The following DNMT1 variants were observed in gnomAD, a reference collection of about 807,000 sequenced individuals.
The protein encoded by DNMT1 is DNA methyltransferase 1.
Under a neutral mutation model 205.3 loss-of-function variants are expected in DNMT1, and 24 were observed. The observed-to-expected ratio is 0.12, with a 90% CI of 0.08 to 0.16. The LOEUF is 0.16. Ranked by LOEUF, DNMT1 falls within the 10% of genes least tolerant of loss-of-function variation. DNMT1 has a pLI of 1.00. For missense variants in DNMT1, 1,293 were observed against 2,177.7 expected (o/e 0.59, Z 8.09); for synonymous variants, 817 against 839.8 (o/e 0.97, Z 0.47).
In DNMT1 at chr19:10,137,509, G is replaced by A; in HGVS notation, c.4294-229C>T. The stretch of plus-strand genomic sequence containing the variant: ...ATCTAAGCTGAGCCTTTAGGGTGGG[G>A]GAAGGGGAGTGGTGCCAGGGGATGG... On this transcript the variant is annotated intron_variant, in intron 36 of 40. Transcript: ENST00000359526. The surrounding 1 kb of genome is among the most constrained non-coding windows in gnomAD (Gnocchi z 6.4). 2 of 646,220 alleles carry A rather than the reference G, an allele frequency of 3.1e-6. No homozygotes were observed. Among genetic ancestry groups the A allele is most frequent in the Non-Finnish European group, 5.3e-6 (2 of 375,496 alleles). 40.0% of individuals were successfully genotyped at this position (646,220 alleles called of 1,614,324 possible).
chr19:10,147,126 G>A (rs895921853), intron 27 of DNMT1, among the ~76,000 whole-genome samples: 3 of 152,088 alleles, frequency 2.0e-5, no homozygotes, highest in Admixed American at 2.0e-4. Context: ...ACCAGGCAGG[G>A]TGGTGCATGC....
rs1255037718 is a variant in DNMT1 at position 10,137,247 on chromosome 19, G to T, written c.4327C>A (p.His1443Asn). 2 of 1,609,826 alleles carry T rather than the reference G, an allele frequency of 1.2e-6. No homozygotes were observed. The highest frequency in any genetic ancestry group is 1.7e-6 in the Non-Finnish European group (2 of 1,179,212). ...MSALVAARMR[H>N]IPLAPGSDWR... ...TCTGACCCTGGGGCCAAGGGGATGT[G>T]CCGCATGCGGGCAGCCACCAATGCA... Residue 1443 changes from histidine to asparagine, a missense_variant, in exon 37 of 41, where the codon CAC becomes AAC. Around this residue, in one of 13 missense-constraint regions of DNMT1, gnomAD observed 148 missense variants for 256.1 expected, o/e 0.58. Transcript: ENST00000359526. This position sits in a 1 kb window ranked among gnomAD's most constrained non-coding sequence, Gnocchi z 6.4.
At chr19:10,178,813 C>T (rs1334936914) in intron 5 of DNMT1, 1 of 149,862 alleles carries the variant, frequency 6.7e-6, no homozygotes. Flanking sequence ...AAGTACTATC[C>T]TATTGTTTGT....
chr19:10,193,665 CAAAAAAAA>C (rs35583463), intron 1 of DNMT1, among the ~76,000 whole-genome samples: 1 of 106,118 alleles, frequency 9.4e-6, no homozygotes, highest in Non-Finnish European at 2.0e-5. Context: ...ACCCAGCCTT[CAAAAAAAA>C]AAAAAAAAAG....
At chr19:10,143,685 G>T in intron 29 of DNMT1, 81 bp downstream of exon 29, 1 of 1,494,882 alleles carries the variant, frequency 6.7e-7, no homozygotes, top group Non-Finnish European at 9.3e-7. Context: ...ACAACTGTGG[G>T]TGCTATGCCA....
Position 10,155,939 on chromosome 19 carries a change from A to C in DNMT1, c.1406T>G (p.Val469Gly). Residue 469 changes from valine (V) to glycine (G), a missense_variant, in exon 19 of 41, where the codon GTT becomes GGT. This residue lies in a region of DNMT1 where 120 missense variants were observed against 315.9 expected (regional missense o/e 0.38). Transcript: ENST00000359526. ...YDDDPSLEGG[V>G]NGKNLGPINE... ...TATGGGGCCAAGATTTTTGCCATTA[A>C]CACCACCTAGAGCAGAAAAAGGAAA... 6.2e-7 allele frequency: 1 copy of C among 1,613,368 alleles called. No homozygotes were observed. The highest frequency in any genetic ancestry group is 8.5e-7 in the Non-Finnish European group (1 of 1,179,646).
chr19:10,194,397 A>C, intron 1 of DNMT1: 1 of 154,974 alleles, frequency 6.5e-6, no homozygotes, highest in Non-Finnish European at 1.4e-5. Context: ...ACCGGGCCGG[A>C]CACCGGAAGT....
chr19:10,160,452 A>G (rs2038545268), intron 13 of DNMT1, 34 bp from the exon 14 acceptor site: 1 of 1,612,630 alleles, frequency 6.2e-7, no homozygotes, highest in African/African-American at 1.3e-5. Flanking sequence ...ATTAAAGGCT[A>G]AGAGAGTGTT....
rs2038457236 is a variant in DNMT1 at position 10,156,351 on chromosome 19, T to C, written c.1399+40A>G. 6.5e-7 allele frequency: 1 copy of C among 1,540,560 alleles called. No homozygotes were observed. The highest frequency in any genetic ancestry group is 9.0e-7 in the Non-Finnish European group (1 of 1,115,648). On this transcript the variant is annotated intron_variant, in intron 18 of 40. Coordinates refer to ENST00000359526, the MANE Select transcript of DNMT1 (RefSeq NM_001130823.3). This position sits in a 1 kb window ranked among gnomAD's most constrained non-coding sequence, Gnocchi z 4.2. ...TGTGAGCCACCCTGCCTGGCTGTTT[T>C]TAAAGTGTGCCCCAAACATAATCCC...
intron 14 of DNMT1, 90 bp downstream of exon 14, chr19:10,160,294 G>A (rs2038541882): frequency 1.3e-6 from 2 of 1,588,038 alleles, no homozygotes; most frequent in Non-Finnish European, 1.7e-6. Context: ...AGGTTGCTCT[G>A]GCAATTACTG....
chr19:10,193,068 T>C (rs937741361), intron 1 of DNMT1, among the ~76,000 whole-genome samples: 1 of 151,818 alleles, frequency 6.6e-6, no homozygotes, highest in African/African-American at 2.4e-5. Context: ...CAAAAAAAAG[T>C]AGTAGTTAAG....
chr19:10,162,580 T>C (rs2038591060), intron 13 of DNMT1, 87 bp downstream of exon 13: 1 of 1,424,158 alleles, frequency 7.0e-7, no homozygotes, highest in Non-Finnish European at 9.4e-7. Flanking sequence ...TTCTTTTTCC[T>C]AAGACCAGCC....
chr19:10,138,732 A>G lies in DNMT1; in HGVS notation c.3949-127T>C, dbSNP rs2089543963. On this transcript the variant is annotated intron_variant, in intron 34 of 40. Coordinates refer to ENST00000359526, the MANE Select transcript of DNMT1 (RefSeq NM_001130823.3). This position sits in a 1 kb window ranked among gnomAD's most constrained non-coding sequence, Gnocchi z 4.1. The stretch of plus-strand genomic sequence containing the variant: ...GGCCAATGCGGAGTGCACTTGCAGA[A>G]ATCCCCAGTTACCTCAGCAGGCGTG... 1 of 1,241,538 alleles carries G rather than the reference A, an allele frequency of 8.1e-7. No individual in the cohort carries two copies. 76.9% of individuals were successfully genotyped at this position (1,241,538 alleles called of 1,614,324 possible).
In DNMT1 at chr19:10,156,476, G is replaced by A. The variant is rs201487376; in HGVS notation, c.1314C>T (p.Ile438=). Residue 438 remains isoleucine (I), a synonymous_variant, in exon 18 of 41, where the codon ATC becomes ATT. Coordinates refer to ENST00000359526, the MANE Select transcript of DNMT1 (RefSeq NM_001130823.3). The surrounding 1 kb of genome is among the most constrained non-coding windows in gnomAD (Gnocchi z 4.2). The part of the protein sequence containing the change: ...VYCKHGHLCP[I]DTGLIEKNIE... The stretch of plus-strand genomic sequence containing the variant: ...TATTCTTCTCGATGAGGCCGGTGTC[G>A]ATGGGACACAGGTGACCGTGCTTAC... 36 of 1,613,290 alleles carry A rather than the reference G, an allele frequency of 2.2e-5. No individual in the cohort carries two copies. The Admixed American group carries it at 3.2e-4, about 14-fold the overall frequency.
chr19:10,167,349 C>T (rs926441973), intron 10 of DNMT1, among the ~76,000 whole-genome samples: 1 of 152,080 alleles, frequency 6.6e-6, no homozygotes, highest in Non-Finnish European at 1.5e-5. Flanking sequence ...GCATGCACCA[C>T]CACACCCAGC....
Position 10,142,070 on chromosome 19 carries a change from C to T in DNMT1, c.3267G>A (p.Gln1089=), listed in dbSNP as rs1265124271. 1 of 1,611,588 alleles carries T rather than the reference C, an allele frequency of 6.2e-7. No individual in the cohort carries two copies. Among genetic ancestry groups the T allele is most frequent in the Non-Finnish European group, 8.5e-7 (1 of 1,178,078 alleles). Residue 1089 remains glutamine, a synonymous_variant, in exon 30 of 41, where the codon CAG becomes CAA. Coordinates refer to ENST00000359526, the MANE Select transcript of DNMT1 (RefSeq NM_001130823.3). ...EYGEDLPECV[Q]VYSMGGPNRF... The stretch of plus-strand genomic sequence containing the variant: ...GGTTGGGGCCGCCCATGGAGTACAC[C>T]TGGACGCACTCGGGCAGGTCCTCCC...
At chr19:10,141,217 G>T in intron 30 of DNMT1, 28 bp from the exon 31 acceptor site, 1 of 1,610,694 alleles carries the variant, frequency 6.2e-7, no homozygotes, top group Non-Finnish European at 8.5e-7. Context: ...GCAATCGTTT[G>T]GGAGAGAAAC....
chr19:10,182,187 A>G (rs986410995), intron 1 of DNMT1, 110 bp from the exon 2 acceptor site: 3 of 1,179,380 alleles, frequency 2.5e-6, no homozygotes, highest in African/African-American at 3.0e-5. Context: ...AGTTTAACAT[A>G]TGAGTGTTAG....
intron 11 of DNMT1, among the ~76,000 whole-genome samples, chr19:10,164,616 AAAACAAAC>A (rs373485784): frequency 2.8e-4 from 43 of 151,816 alleles, no homozygotes; most frequent in Admixed American, 3.9e-4. Context: ...TCCTGTCTCA[AAAACAAAC>A]AAACAAACAA....
Sources: allele counts gnomAD v4.1 joint callset (sites outside exome capture counted in the v4.1 genomes callset), GRCh38; gene constraint gnomAD v4.1.1; regional missense constraint gnomAD v4.1.1; non-coding constraint Gnocchi (gnomAD v3.1); transcripts MANE v1.5; gene names NCBI Gene and HGNC (gene_info 2026-07-23, HGNC 2026-07-21).